CNTN5: variants seen among roughly 807,000 people sequenced by gnomAD.
CNTN5 encodes the protein contactin 5.
A neutral mutation model predicts 129.1 loss-of-function variants in CNTN5; 77 were observed. The ratio of observed to expected loss-of-function variants is 0.60; its 90% CI spans 0.50 to 0.72. The LOEUF (loss-of-function observed/expected upper bound fraction) is 0.72. CNTN5 is among the 30% of genes least tolerant of loss of function. The pLI is 0.00. For missense variants in CNTN5, 1,478 were observed against 1,328.8 expected, an observed-to-expected ratio of 1.11 and a Z score of -1.75; for synonymous variants, 509 against 465.6, an observed-to-expected ratio of 1.09 and a Z score of -1.20.
intron 3 of CNTN5, among the ~76,000 whole-genome samples, chr11:99,584,546 G>A (rs1591317834): frequency 1.3e-5 from 2 of 152,310 alleles, no homozygotes; most frequent in South Asian, 4.1e-4. Flanking sequence ...CATGGCACTA[G>A]CAACTGTATT....
chr11:99,564,086 T>C (rs2135557954), intron 3 of CNTN5, among the ~76,000 whole-genome samples: 1 of 152,164 alleles, frequency 6.6e-6, no homozygotes, highest in East Asian at 1.9e-4. Flanking sequence ...TTTTTTAAAA[T>C]TTACTTATTT....
At chr11:99,078,783 C>A (rs1865681672) in intron 1 of CNTN5, among the ~76,000 whole-genome samples, 1 of 151,684 alleles carries the variant, frequency 6.6e-6, no homozygotes, top group African/African-American at 2.4e-5. Flanking sequence ...GGATGGCTAC[C>A]AGAGGCTGGG....
intron 9 of CNTN5, among the ~76,000 whole-genome samples, chr11:100,009,470 G>A (rs1346140549): frequency 6.6e-6 from 1 of 151,934 alleles, no homozygotes; most frequent in Admixed American, 6.6e-5. Flanking sequence ...AAATGGAGGG[G>A]GATTAATTAG....
chr11:99,110,044 G>T (rs971438219), intron 1 of CNTN5, among the ~76,000 whole-genome samples: 3 of 152,034 alleles, frequency 2.0e-5, no homozygotes, highest in Non-Finnish European at 4.4e-5. Context: ...AGAAGGTAAA[G>T]AAATATTCGA....
At chr11:99,510,032 T>C (rs761632552) in intron 2 of CNTN5, among the ~76,000 whole-genome samples, 24 of 151,526 alleles carry the variant, frequency 1.6e-4, no homozygotes, top group Non-Finnish European at 2.9e-4. Flanking sequence ...ATTAAAATAA[T>C]TCTTGTTTCT....
chr11:100,145,081 C>G (rs1225914239), intron 13 of CNTN5, among the ~76,000 whole-genome samples: 1 of 136,336 alleles, frequency 7.3e-6, no homozygotes, highest in Non-Finnish European at 1.7e-5. Context: ...TCTTTAAACT[C>G]TATTAACTAC....
intron 3 of CNTN5, among the ~76,000 whole-genome samples, chr11:99,709,194 C>A (rs1180973335): frequency 6.6e-6 from 1 of 151,906 alleles, no homozygotes; most frequent in African/African-American, 2.4e-5. Flanking sequence ...GAATTCCTTT[C>A]ATGCAACTAT....
At chr11:99,890,664 T>G (rs1949036002) in intron 6 of CNTN5, among the ~76,000 whole-genome samples, 1 of 152,084 alleles carries the variant, frequency 6.6e-6, no homozygotes, top group South Asian at 2.1e-4. Flanking sequence ...TTGAAGATAC[T>G]CCGCCCTCAT....
intron 3 of CNTN5, among the ~76,000 whole-genome samples, chr11:99,810,694 T>C (rs567063402): frequency 1.3e-5 from 2 of 152,248 alleles, no homozygotes; most frequent in East Asian, 3.9e-4. Flanking sequence ...TGCTGAGGTG[T>C]TTCATCCATC....
intron 20 of CNTN5, among the ~76,000 whole-genome samples, chr11:100,305,060 G>T (rs980881202): frequency 6.6e-6 from 1 of 151,390 alleles, no homozygotes; most frequent in African/African-American, 2.4e-5. Context: ...TATGTTTTCT[G>T]TAAAACTTAT....
intron 1 of CNTN5, among the ~76,000 whole-genome samples, chr11:99,233,245 C>T (rs1297274381): frequency 6.6e-6 from 1 of 152,146 alleles, no homozygotes; most frequent in African/African-American, 2.4e-5. Flanking sequence ...TCACTTGGTG[C>T]TAAGGAATAA....
intron 1 of CNTN5, among the ~76,000 whole-genome samples, chr11:99,293,753 C>T (rs1479949840): frequency 1.3e-5 from 2 of 151,838 alleles, no homozygotes; most frequent in South Asian, 2.1e-4. Flanking sequence ...TTTTCTGGTA[C>T]CAGGTGTAAT....
chr11:100,067,691 T>C (rs2137844753), intron 10 of CNTN5, among the ~76,000 whole-genome samples: 1 of 152,196 alleles, frequency 6.6e-6, no homozygotes, highest in East Asian at 1.9e-4. Context: ...CCACTTTTAC[T>C]TGTAGAATTC....
chr11:99,242,864 T>G (rs1861630776), intron 1 of CNTN5, among the ~76,000 whole-genome samples: 1 of 152,122 alleles, frequency 6.6e-6, no homozygotes, highest in South Asian at 2.1e-4. Flanking sequence ...ATGTACCATG[T>G]TTTCTTTATC....
intron 2 of CNTN5, among the ~76,000 whole-genome samples, chr11:99,531,719 A>C (rs892378515): frequency 6.6e-6 from 1 of 152,210 alleles, no homozygotes; most frequent in Non-Finnish European, 1.5e-5. Flanking sequence ...CTGTGGCTTC[A>C]GGGGATGTAA....
intron 9 of CNTN5, among the ~76,000 whole-genome samples, chr11:100,019,436 C>A (rs1941009503): frequency 6.6e-6 from 1 of 151,946 alleles, no homozygotes; most frequent in South Asian, 2.1e-4. Flanking sequence ...TAAATGAGAT[C>A]ATGCAATATT....
intron 16 of CNTN5, among the ~76,000 whole-genome samples, chr11:100,244,751 C>T (rs1458443516): frequency 1.3e-5 from 2 of 151,990 alleles, no homozygotes; most frequent in Non-Finnish European, 1.5e-5. Flanking sequence ...TTTCATTATC[C>T]TATTGGAAAA....
intron 4 of CNTN5, 108 bp from the exon 5 acceptor site, chr11:99,844,744 A>T: frequency 1.9e-6 from 2 of 1,051,280 alleles, no homozygotes; most frequent in Non-Finnish European, 2.8e-6. Context: ...CCTGTTGATT[A>T]CAAGAAAAGA....
chr11:99,037,928 G>C (rs1169073010), intron 1 of CNTN5, among the ~76,000 whole-genome samples: 1 of 152,056 alleles, frequency 6.6e-6, no homozygotes, highest in Admixed American at 6.6e-5. Context: ...GGATAAGAAA[G>C]TGTTTTGATA....
Sources: gnomAD v4.1 joint callset for allele counts (sites outside exome capture counted in the v4.1 genomes callset) on GRCh38, gnomAD v4.1.1 for gene constraint, MANE v1.5 for transcripts, NCBI Gene and HGNC (gene_info 2026-07-23, HGNC 2026-07-21) for gene names.